Variants in RAB3IP observed in about 807,000 individuals in gnomAD.
RAB3IP encodes RAB3A interacting protein, also known as rab-3A-interacting protein.
Under a neutral mutation model 59.1 loss-of-function variants are expected in RAB3IP, and 36 were observed. That is an observed-to-expected ratio of 0.61 (90% CI 0.47 to 0.80). The LOEUF is 0.80. Ranked by LOEUF, RAB3IP falls within the 30% of genes least tolerant of loss-of-function variation. RAB3IP has a pLI of 0.00. For synonymous variants in RAB3IP, 207 were observed against 191.2 expected (o/e 1.08, Z -0.68); for missense variants, 511 against 536.0 (o/e 0.95, Z 0.46).
intron 8 of RAB3IP, among the ~76,000 whole-genome samples, chr12:69,804,348 T>C (rs1417286034): frequency 2.0e-5 from 3 of 152,234 alleles, no homozygotes; most frequent in African/African-American, 7.2e-5. Context: ...ATGGGGTTGT[T>C]TTTTTCTTGT....
intron 1 of RAB3IP, among the ~76,000 whole-genome samples, chr12:69,740,875 ATACTT>A (rs1220208705): frequency 2.0e-5 from 3 of 152,250 alleles, no homozygotes; most frequent in African/African-American, 7.2e-5. Context: ...AGTAGTTACT[ATACTT>A]TTTTCCTCCT....
chr12:69,784,715 C>T lies in RAB3IP; in HGVS notation c.511-5C>T, dbSNP rs1875340078. Reference sequence around the variant, plus strand: ...ATCCAAAATAAAATTATCAATTTCTCTTAGGAACTGAAGTTAAAAGATGAA... The same window carrying T: ...ATCCAAAATAAAATTATCAATTTCTTTTAGGAACTGAAGTTAAAAGATGAA... On this transcript the variant is annotated splice_polypyrimidine_tract_variant and splice_region_variant and intron_variant, in intron 3 of 10. Coordinates refer to ENST00000247833, the MANE Select transcript of RAB3IP (RefSeq NM_022456.5). 6.4e-7 allele frequency: 1 copy of T among 1,571,496 alleles called. No individual in the cohort carries two copies. The highest frequency in any genetic ancestry group is 8.7e-7 in the Non-Finnish European group (1 of 1,146,750).
intron 3 of RAB3IP, among the ~76,000 whole-genome samples, chr12:69,768,593 G>A (rs551887559): frequency 2.6e-5 from 4 of 152,250 alleles, no homozygotes; most frequent in South Asian, 4.1e-4. Context: ...CCACTGCACC[G>A]CGATCTCAGG....
Position 69,788,466 on chromosome 12 carries a change from G to A in RAB3IP, c.606+3651G>A, listed in dbSNP as rs189029351. On this transcript the variant is annotated intron_variant, in intron 4 of 10. Transcript: ENST00000247833. ...AAAATAAATATGGTATAATTTTATG[G>A]GACCACTGTCATATATGCAGTCCAT... Among the ~76,000 whole-genome samples the A allele has an allele frequency of 3.9e-5, 6 of 152,116 alleles. No homozygotes were observed. The East Asian group carries it at 1.2e-3, about 29-fold the overall frequency.
chr12:69,796,017 T>G (rs1877381698), intron 6 of RAB3IP: 1 of 152,228 alleles, frequency 6.6e-6, no homozygotes, highest in Non-Finnish European at 1.5e-5. Flanking sequence ...AACGAAATAA[T>G]GGGCCGGGCA....
rs114468651 is a variant in RAB3IP at position 69,771,060 on chromosome 12, A to G, written c.511-13660A>G. On this transcript the variant is annotated intron_variant, in intron 3 of 10. Transcript: ENST00000247833. ...AACCGCTATTCTCTGCTCTACTTCT[A>G]TGAGATCAAATTTTTTAGATTTCAC... Among the ~76,000 whole-genome samples the G allele has an allele frequency of 3.6e-3, 549 of 152,244 alleles. 3 individuals are homozygous for G. The highest frequency in any genetic ancestry group is 0.012 in the African/African-American group (515 of 41,540).
chr12:69,783,796 C>G (rs76233828), intron 3 of RAB3IP, among the ~76,000 whole-genome samples: 1 of 152,122 alleles, frequency 6.6e-6, no homozygotes, highest in Admixed American at 6.5e-5. Context: ...TTTTGTACAT[C>G]TGGTGATCAT....
At chr12:69,810,278 C>T (rs1283292400) in intron 8 of RAB3IP, among the ~76,000 whole-genome samples, 1 of 152,154 alleles carries the variant, frequency 6.6e-6, no homozygotes, top group Non-Finnish European at 1.5e-5. Flanking sequence ...CAGAGGAGTA[C>T]CCGGCAGTGT....
intron 4 of RAB3IP, among the ~76,000 whole-genome samples, chr12:69,786,247 G>C (rs1373656896): frequency 3.3e-5 from 5 of 152,082 alleles, no homozygotes; most frequent in Non-Finnish European, 7.4e-5. Context: ...TAATCTACTA[G>C]GTGCCTGTTC....
intron 6 of RAB3IP, chr12:69,795,550 A>G (rs1877311356): frequency 1.7e-6 from 1 of 595,046 alleles, no homozygotes; most frequent in Non-Finnish European, 3.0e-6. Flanking sequence ...ACCTGCTGGA[A>G]ACTTGGTAAG....
rs1252248224 is a variant in RAB3IP, at chr12:69,822,774, T to G, written c.*7328T>G. On this transcript the variant is annotated 3_prime_UTR_variant, in exon 11 of 11. Transcript: ENST00000247833. ...TGTATGTTTGTATCAAAATATCATA[T>G]GTACCCCATAAATATGTACAACTAT... The G allele has an allele frequency of 1.3e-5, 2 of 152,188 alleles. No homozygotes were observed. Among genetic ancestry groups the G allele is most frequent in the Admixed American group, 1.3e-4 (2 of 15,282 alleles). 9.4% of individuals were successfully genotyped at this position (152,188 alleles called of 1,614,324 possible).
intron 1 of RAB3IP, among the ~76,000 whole-genome samples, chr12:69,742,020 G>A (rs1887395014): frequency 6.6e-6 from 1 of 152,148 alleles, no homozygotes; most frequent in African/African-American, 2.4e-5. Flanking sequence ...CTGTTCTTAA[G>A]GAATATGGAA....
intron 2 of RAB3IP, 47 bp downstream of exon 2, chr12:69,755,706 G>A (rs562449696): frequency 4.1e-6 from 6 of 1,455,732 alleles, no homozygotes; most frequent in Non-Finnish European, 5.7e-6. Context: ...AAAATGGACA[G>A]TTTGCTTAGT....
At chr12:69,745,289 C>T (rs1039143387) in intron 1 of RAB3IP, among the ~76,000 whole-genome samples, 1 of 151,912 alleles carries the variant, frequency 6.6e-6, no homozygotes, top group African/African-American at 2.4e-5. Context: ...TTTTAATCTA[C>T]ATTTCCTGCT....
At chr12:69,798,667 T>G (rs926303571) in intron 6 of RAB3IP, among the ~76,000 whole-genome samples, 6 of 152,196 alleles carry the variant, frequency 3.9e-5, no homozygotes, top group Admixed American at 2.0e-4. Flanking sequence ...GGTCTAACAT[T>G]TAAGTCTTTA....
intron 1 of RAB3IP, among the ~76,000 whole-genome samples, chr12:69,745,255 CT>C (rs1167093639): frequency 6.6e-6 from 1 of 152,062 alleles, no homozygotes; most frequent in African/African-American, 2.4e-5. Flanking sequence ...CTTTTACAAA[CT>C]TTGTTCTTTA....
In RAB3IP at chr12:69,823,109, A is replaced by T. The variant is rs1428252892; in HGVS notation, c.*7663A>T. 6.6e-6 allele frequency: 1 copy of T among 152,298 alleles called. No individual in the cohort carries two copies. The highest frequency in any genetic ancestry group is 2.1e-4 in the South Asian group (1 of 4,830). 9.4% of individuals were successfully genotyped at this position (152,298 alleles called of 1,614,324 possible). On this transcript the variant is annotated 3_prime_UTR_variant, in exon 11 of 11. Coordinates refer to ENST00000247833, the MANE Select transcript of RAB3IP (RefSeq NM_022456.5). ...AATTACCCTGATCTGATCACTACACATTATATGTATGGAAATATCATTGTG... is the reference window on the plus strand; with the variant it reads ...AATTACCCTGATCTGATCACTACACTTTATATGTATGGAAATATCATTGTG...
intron 4 of RAB3IP, among the ~76,000 whole-genome samples, chr12:69,787,868 A>T (rs1319449641): frequency 6.6e-6 from 1 of 152,182 alleles, no homozygotes; most frequent in African/African-American, 2.4e-5. Context: ...ATGAACATAT[A>T]TGTGTATTTA....
chr12:69,764,511 T>C (rs1321363532), intron 3 of RAB3IP, among the ~76,000 whole-genome samples: 1 of 152,206 alleles, frequency 6.6e-6, no homozygotes, highest in African/African-American at 2.4e-5. Flanking sequence ...ATGTGTCTGT[T>C]TTTGTACCAG....
Sources: allele counts gnomAD v4.1 joint callset (sites outside exome capture counted in the v4.1 genomes callset), GRCh38; gene constraint gnomAD v4.1.1; transcripts MANE v1.5; gene names NCBI Gene and HGNC (gene_info 2026-07-23, HGNC 2026-07-21).